The following GALNT7 variants were observed in gnomAD, a reference collection of about 807,000 sequenced individuals.
GALNT7 encodes N-acetylgalactosaminyltransferase 7.
In GALNT7, 60 loss-of-function variants were observed where a neutral mutation model predicts 82.1. That is an observed-to-expected ratio of 0.73 (90% CI 0.59 to 0.91). The LOEUF (loss-of-function observed/expected upper bound fraction) is 0.91. Among genes scored for constraint, GALNT7 ranks in the 40% least tolerant of loss-of-function variants. The pLI, the probability that GALNT7 is intolerant of heterozygous loss-of-function variation, is 0.00. For synonymous variants in GALNT7, 243 were observed against 275.1 expected, an observed-to-expected ratio of 0.88 and a Z score of 1.15; for missense variants, 660 against 804.2, an observed-to-expected ratio of 0.82 and a Z score of 2.17.
chr4:173,203,056 C>G (rs968594774), intron 1 of GALNT7, among the ~76,000 whole-genome samples: 3 of 148,518 alleles, frequency 2.0e-5, no homozygotes, highest in Non-Finnish European at 4.4e-5. Flanking sequence ...GTCTATGTGT[C>G]CTTACAGGTG....
At chr4:173,182,738 TAC>T (rs35300617) in intron 1 of GALNT7, among the ~76,000 whole-genome samples, 4,024 of 115,442 alleles carry the variant, frequency 0.035, 161 homozygotes, top group African/African-American at 0.088. Context: ...TTACTCTTAA[TAC>T]ACACACACAC....
At chr4:173,229,705 G>A (rs1048390703) in intron 1 of GALNT7, among the ~76,000 whole-genome samples, 8 of 152,114 alleles carry the variant, frequency 5.3e-5, no homozygotes, top group African/African-American at 1.4e-4. Flanking sequence ...AAAGAGATAC[G>A]TATGATGCAG....
chr4:173,199,953 T>C (rs903345821), intron 1 of GALNT7, among the ~76,000 whole-genome samples: 2 of 152,226 alleles, frequency 1.3e-5, no homozygotes, highest in Admixed American at 1.3e-4. Context: ...AGTTAAAGTC[T>C]TCCTGGAATA....
chr4:173,183,582 C>G (rs1186003021), intron 1 of GALNT7, among the ~76,000 whole-genome samples: 1 of 152,172 alleles, frequency 6.6e-6, no homozygotes, highest in East Asian at 1.9e-4. Flanking sequence ...AATCTGATCT[C>G]TCTTTCTTTT....
chr4:173,287,958 A>G (rs138751768), intron 2 of GALNT7, among the ~76,000 whole-genome samples: 15 of 152,254 alleles, frequency 9.9e-5, no homozygotes, highest in South Asian at 2.1e-4. Context: ...TTAAATGCCA[A>G]TGTAGTTGGA....
At chr4:173,225,459 A>G (rs1467977426) in intron 1 of GALNT7, among the ~76,000 whole-genome samples, 1 of 152,236 alleles carries the variant, frequency 6.6e-6, no homozygotes, top group East Asian at 1.9e-4. Context: ...TCTTCCTTAC[A>G]GTTCTTCAGA....
At chr4:173,182,837 C>CAG (rs1283054455) in intron 1 of GALNT7, among the ~76,000 whole-genome samples, 1 of 149,210 alleles carries the variant, frequency 6.7e-6, no homozygotes, top group East Asian at 2.0e-4. Flanking sequence ...CACACACACA[C>CAG]ACACACAGCT....
In GALNT7 at chr4:173,182,925, T is replaced by TACACACACACACACAC. The variant is rs61378172; in HGVS notation, c.126+13971_126+13986dup. Among the ~76,000 whole-genome samples the TACACACACACACACAC allele has an allele frequency of 3.2e-3, 435 of 134,282 alleles. 6 individuals carry two copies. The highest frequency in any genetic ancestry group is 9.3e-3 in the African/African-American group (319 of 34,212). 88.1% of individuals were successfully genotyped at this position (134,282 alleles called of 152,430 possible). The stretch of plus-strand genomic sequence containing the variant: ...GATGAGGCTAGCAGGTTACTCATAA[T>TACACACACACACACAC]ACACACACACACACACACACACTCT... On this transcript the variant is annotated intron_variant, in intron 1 of 11. Transcript: ENST00000265000.
intron 2 of GALNT7, among the ~76,000 whole-genome samples, chr4:173,276,151 A>T (rs1025531809): frequency 1.3e-5 from 2 of 152,190 alleles, no homozygotes; most frequent in Non-Finnish European, 2.9e-5. Context: ...TAATGAGGAC[A>T]GTGGGTAATG....
At chr4:173,264,955 C>T (rs1475267004) in intron 2 of GALNT7, among the ~76,000 whole-genome samples, 1 of 152,226 alleles carries the variant, frequency 6.6e-6, no homozygotes, top group Non-Finnish European at 1.5e-5. Flanking sequence ...GATGTGGCAT[C>T]TATTTACTTG....
intron 6 of GALNT7, among the ~76,000 whole-genome samples, chr4:173,300,017 T>C (rs925617520): frequency 2.0e-5 from 3 of 152,238 alleles, no homozygotes; most frequent in Non-Finnish European, 4.4e-5. Flanking sequence ...TATTTTCTTC[T>C]AGTATTGAAA....
chr4:173,175,326 C>T (rs188944241), intron 1 of GALNT7, among the ~76,000 whole-genome samples: 1 of 152,334 alleles, frequency 6.6e-6, no homozygotes, highest in East Asian at 1.9e-4. Flanking sequence ...TTTGTAACAA[C>T]CACCCTCTAT....
At chr4:173,259,202 CAG>C (rs766672897) in intron 2 of GALNT7, among the ~76,000 whole-genome samples, 5 of 152,142 alleles carry the variant, frequency 3.3e-5, no homozygotes, top group Non-Finnish European at 5.9e-5. Flanking sequence ...ATGAAAATAA[CAG>C]AGATGGATTT....
intron 1 of GALNT7, among the ~76,000 whole-genome samples, chr4:173,226,478 T>C (rs923178277): frequency 6.6e-6 from 1 of 152,128 alleles, no homozygotes; most frequent in Non-Finnish European, 1.5e-5. Flanking sequence ...CTCAAAGAGG[T>C]CAATGCAAGA....
At chr4:173,226,208 C>T (rs148419832) in intron 1 of GALNT7, among the ~76,000 whole-genome samples, 1,662 of 152,138 alleles carry the variant, frequency 0.011, 40 homozygotes, top group African/African-American at 0.038. Flanking sequence ...GACTTTTTCC[C>T]TATTGGCTAT....
intron 6 of GALNT7, among the ~76,000 whole-genome samples, chr4:173,300,518 A>G (rs115369859): frequency 1.6e-3 from 242 of 152,240 alleles, no homozygotes; most frequent in African/African-American, 5.5e-3. Context: ...ATTCTGTGGA[A>G]AAGGAGAAGG....
At chr4:173,230,151 A>G (rs1000639963) in intron 1 of GALNT7, among the ~76,000 whole-genome samples, 2 of 152,214 alleles carry the variant, frequency 1.3e-5, no homozygotes, top group Admixed American at 6.5e-5. Flanking sequence ...GTAGTCTTCC[A>G]ATAAATTATT....
intron 2 of GALNT7, among the ~76,000 whole-genome samples, chr4:173,283,112 A>G (rs758925985): frequency 3.3e-5 from 5 of 152,238 alleles, no homozygotes; most frequent in Non-Finnish European, 5.9e-5. Flanking sequence ...AAAAATCACT[A>G]ATGAGACTAG....
At chr4:173,264,556 C>T (rs1735409000) in intron 2 of GALNT7, among the ~76,000 whole-genome samples, 1 of 152,092 alleles carries the variant, frequency 6.6e-6, no homozygotes, top group Non-Finnish European at 1.5e-5. Flanking sequence ...CTTGTTTTAA[C>T]CACAAGAAGC....
Sources: gnomAD v4.1 joint callset for allele counts (sites outside exome capture counted in the v4.1 genomes callset) on GRCh38, gnomAD v4.1.1 for gene constraint, MANE v1.5 for transcripts, NCBI Gene and HGNC (gene_info 2026-07-23, HGNC 2026-07-21) for gene names.